CNOT1: variants seen among roughly 807,000 people sequenced by gnomAD.
CNOT1 encodes the protein CCR4-NOT transcription complex subunit 1.
Under a neutral mutation model 273.8 loss-of-function variants are expected in CNOT1, and 15 were observed. That is an observed-to-expected ratio of 0.05 (90% CI 0.04 to 0.08). The LOEUF (loss-of-function observed/expected upper bound fraction) is 0.08. Among genes scored for constraint, CNOT1 ranks in the 10% least tolerant of loss-of-function variants. The pLI, the probability that CNOT1 is intolerant of heterozygous loss-of-function variation, is 1.00. For missense variants in CNOT1, 1,644 were observed against 2,912.2 expected (o/e 0.56, Z 10.02); for synonymous variants, 1,022 against 1,005.5 (o/e 1.02, Z -0.31).
chr16:58,592,701 G>A (rs1048604928), intron 2 of CNOT1, among the ~76,000 whole-genome samples: 4 of 152,008 alleles, frequency 2.6e-5, no homozygotes, highest in South Asian at 2.1e-4. Flanking sequence ...GTTTAGGACC[G>A]ACAAATGCCC....
intron 43 of CNOT1, among the ~76,000 whole-genome samples, chr16:58,529,046 T>C (rs1415373798): frequency 1.3e-5 from 2 of 151,832 alleles, no homozygotes; most frequent in East Asian, 3.9e-4. Context: ...AAGTTAGTTA[T>C]TAGAAAAAAT....
chr16:58,528,333 A>G (rs1267363009), intron 44 of CNOT1, 142 bp downstream of exon 44: 4 of 689,552 alleles, frequency 5.8e-6, no homozygotes, highest in South Asian at 3.2e-5. Context: ...ATCAGGCTTA[A>G]TAACATTATT....
intron 1 of CNOT1, among the ~76,000 whole-genome samples, chr16:58,617,652 G>A (rs2043139983): frequency 6.6e-6 from 1 of 152,166 alleles, no homozygotes; most frequent in Admixed American, 6.6e-5. Flanking sequence ...CAGTGCCCTT[G>A]TTGAGAAAAT....
At chr16:58,572,337 T>G (rs543319383) in intron 16 of CNOT1, among the ~76,000 whole-genome samples, 1 of 151,552 alleles carries the variant, frequency 6.6e-6, no homozygotes, top group East Asian at 1.9e-4. Context: ...AATAGATAGA[T>G]CTACAAAGAT....
chr16:58,596,676 A>T (rs2042262353), intron 2 of CNOT1, among the ~76,000 whole-genome samples: 1 of 151,934 alleles, frequency 6.6e-6, no homozygotes, highest in Non-Finnish European at 1.5e-5. Context: ...TCACAAGGTC[A>T]GGAGATTGAG....
intron 1 of CNOT1, among the ~76,000 whole-genome samples, chr16:58,618,570 G>A (rs764235599): frequency 1.3e-5 from 2 of 151,306 alleles, no homozygotes; most frequent in African/African-American, 4.9e-5. Flanking sequence ...GCGACAGGGC[G>A]AGACTCCATT....
In CNOT1 at chr16:58,588,017, C is replaced by T. The variant is rs1302412377; in HGVS notation, c.211-139G>A. ...ATCAAAATCGGCTCTTTAAAAATCT[C>T]GCCAGGTGCGGTGGTTGACAACCGT... On this transcript the variant is annotated intron_variant, in intron 3 of 48. Transcript: ENST00000317147. The T allele has an allele frequency of 4.5e-6, 4 of 888,656 alleles. No homozygotes were observed. In the African/African-American group the frequency reaches 5.1e-5, roughly 11 times the overall value. The allele number at this position is 888,656 out of a possible 1,614,324, so 55.0% of individuals were successfully genotyped here. A position where few individuals can be genotyped will look rare whatever the true frequency, so the allele number is the denominator to read the frequency against.
intron 1 of CNOT1, among the ~76,000 whole-genome samples, chr16:58,611,407 C>T (rs1052728001): frequency 2.0e-5 from 3 of 148,650 alleles, no homozygotes; most frequent in Admixed American, 6.7e-5. Flanking sequence ...CCAGTCTGAG[C>T]GACAGAGCGA....
At chr16:58,548,412 A>C in intron 25 of CNOT1, 5 of 449,002 alleles carry the variant, frequency 1.1e-5, no homozygotes, top group South Asian at 8.5e-5. Flanking sequence ...TTTAAAAAAC[A>C]TGGTCTTGAA....
Position 58,607,240 on chromosome 16 carries a change from G to A in CNOT1, c.-174-7729C>T, listed in dbSNP as rs117512656. On this transcript the variant is annotated intron_variant, in intron 1 of 48. Coordinates refer to ENST00000317147, the MANE Select transcript of CNOT1 (RefSeq NM_016284.5). Reference sequence around the variant, plus strand: ...TAACATATGGATAGTATTATTTACCGCAGCAGTATATGTCAGAGCATGAAA... The same window carrying A: ...TAACATATGGATAGTATTATTTACCACAGCAGTATATGTCAGAGCATGAAA... Among the ~76,000 whole-genome samples the A allele has an allele frequency of 3.2e-3, 482 of 152,244 alleles. 2 individuals carry two copies. The highest frequency in any genetic ancestry group is 0.011 in the East Asian group (58 of 5,188).
At chr16:58,542,123 A>C in intron 33 of CNOT1, 108 bp downstream of exon 33, 1 of 1,331,948 alleles carries the variant, frequency 7.5e-7, no homozygotes, top group Non-Finnish European at 1.0e-6. Flanking sequence ...GTTTTCTCAT[A>C]AACAATATTT....
intron 8 of CNOT1, among the ~76,000 whole-genome samples, chr16:58,583,940 G>A (rs570608962): frequency 1.4e-4 from 22 of 151,844 alleles, no homozygotes; most frequent in Middle Eastern, 3.4e-3. Flanking sequence ...AGTCTGAGGC[G>A]GGTGGATCAC....
chr16:58,582,889 C>A lies in CNOT1; in HGVS notation c.948G>T (p.Pro316=). ...TCCCATCACTCCAGATCCCACTGCC[C>A]GGAGCAGAAATACTCTGTAGAAGTA... ...DGIPLQSISA[P]GSGIWSDGKD... The change falls in exon 10 of 49, where the codon CCG becomes CCT. Residue 316 remains proline (P), a synonymous_variant. Transcript: ENST00000317147. 1 of 1,611,812 alleles carries A rather than the reference C, an allele frequency of 6.2e-7. No homozygotes were observed. Among genetic ancestry groups the A allele is most frequent in the Non-Finnish European group, 8.5e-7 (1 of 1,178,062 alleles).
At chr16:58,558,440 A>T in intron 18 of CNOT1, 33 bp downstream of exon 18, 1 of 1,612,204 alleles carries the variant, frequency 6.2e-7, no homozygotes, top group Non-Finnish European at 8.5e-7. Context: ...CAAACTTATG[A>T]ATAATCCATG....
chr16:58,615,862 G>A lies in CNOT1; in HGVS notation c.-175+13866C>T. On this transcript the variant is annotated intron_variant, in intron 1 of 48. Coordinates refer to ENST00000317147, the MANE Select transcript of CNOT1 (RefSeq NM_016284.5). ...TTTGGGAGGCCAAGAAGGGAGGATG[G>A]CTTGGGACCAGGAGTTCAAGACCAG... Among the ~76,000 whole-genome samples, 2 of 122,388 alleles carry A rather than the reference G, an allele frequency of 1.6e-5. 1 individual carries two copies. The highest frequency in any genetic ancestry group is 3.9e-5 in the Non-Finnish European group (2 of 51,684). 80.3% of individuals were successfully genotyped at this position (122,388 alleles called of 152,430 possible). A position where few individuals can be genotyped will look rare whatever the true frequency, so the allele number is the denominator to read the frequency against.
chr16:58,554,699 G>GCCGAGGTGGGTGGATCAC (rs1567403591), intron 21 of CNOT1, among the ~76,000 whole-genome samples: 1 of 152,088 alleles, frequency 6.6e-6, no homozygotes, highest in Non-Finnish European at 1.5e-5. Context: ...ACTCTGGGAG[G>GCCGAGGTGGGTGGATCAC]CCGAGGTGGG....
chr16:58,568,588 G>A (rs1597476589), intron 16 of CNOT1, among the ~76,000 whole-genome samples: 1 of 147,910 alleles, frequency 6.8e-6, no homozygotes, highest in East Asian at 2.0e-4. Flanking sequence ...GCTGAGGCAG[G>A]AGAATCGCTT....
chr16:58,555,149 A>G (rs1033965344), intron 21 of CNOT1, 102 bp downstream of exon 21: 17 of 1,504,270 alleles, frequency 1.1e-5, no homozygotes, highest in Non-Finnish European at 1.4e-5. Context: ...TCAAGGCTGC[A>G]GTGAGCCGAG....
intron 1 of CNOT1, among the ~76,000 whole-genome samples, chr16:58,610,852 TAAAACAAAC>T (rs2152033157): frequency 1.4e-5 from 2 of 139,478 alleles, no homozygotes; most frequent in East Asian, 4.2e-4. Flanking sequence ...CAAAAAAACA[TAAAACAAAC>T]AAAACAAAAC....
Sources: gnomAD v4.1 joint callset for allele counts (sites outside exome capture counted in the v4.1 genomes callset) on GRCh38, gnomAD v4.1.1 for gene constraint, MANE v1.5 for transcripts, NCBI Gene and HGNC (gene_info 2026-07-23, HGNC 2026-07-21) for gene names.